Variants in PLRG1 observed in about 807,000 individuals in gnomAD.
PLRG1 encodes pleiotropic regulator 1.
Under a neutral mutation model 74.9 loss-of-function variants are expected in PLRG1, and 28 were observed. That is an observed-to-expected ratio of 0.37 (90% CI 0.28 to 0.51). The LOEUF (loss-of-function observed/expected upper bound fraction) is 0.51. Ranked by LOEUF, PLRG1 falls within the 20% of genes least tolerant of loss-of-function variation. The pLI is 0.91. For synonymous variants in PLRG1, 197 were observed against 212.4 expected, an observed-to-expected ratio of 0.93 and a Z score of 0.63; for missense variants, 445 against 631.9, an observed-to-expected ratio of 0.70 and a Z score of 3.17.
Position 154,544,559 on chromosome 4 carries a change from G to A in PLRG1, c.493-13C>T. 1 of 1,436,790 alleles carries A rather than the reference G, an allele frequency of 7.0e-7. No homozygotes were observed. The highest frequency in any genetic ancestry group is 9.8e-7 in the Non-Finnish European group (1 of 1,019,728). 89.0% of individuals were successfully genotyped at this position (1,436,790 alleles called of 1,614,324 possible). ...TCTCCATGACAATCTAGACATAGAA[G>A]AGACATTATTATTATTAAAGACATC... On this transcript the variant is annotated splice_polypyrimidine_tract_variant and intron_variant, in intron 6 of 14. Transcript: ENST00000499023.
rs372173780 is a variant in PLRG1 at position 154,550,352 on chromosome 4, T to G, written c.-44A>C. 1.2e-6 allele frequency: 2 copies of G among 1,601,858 alleles called. No homozygotes were observed. The highest frequency in any genetic ancestry group is 1.7e-6 in the Non-Finnish European group (2 of 1,169,024). ...ACCTCCGGCAGGGAAGAAACTCTAA[T>G]CACTAACGCAGTACCCGCCGCCACA... On this transcript the variant is annotated 5_prime_UTR_variant, in exon 1 of 15. Coordinates refer to ENST00000499023, the MANE Select transcript of PLRG1 (RefSeq NM_002669.4).
chr4:154,549,633 G>A (rs1366966303), intron 1 of PLRG1: 2 of 455,710 alleles, frequency 4.4e-6, no homozygotes. Context: ...TCAGTAAAGG[G>A]TTTTAAACAA....
At chr4:154,546,749 A>C in intron 4 of PLRG1, 1 of 503,144 alleles carries the variant, frequency 2.0e-6, no homozygotes, top group Non-Finnish European at 3.6e-6. Flanking sequence ...TGCCTAAACC[A>C]CCAGATAATA....
chr4:154,548,772 C>A lies in PLRG1; in HGVS notation c.116+57G>T, dbSNP rs980714492. The A allele has an allele frequency of 1.2e-4, 105 of 875,850 alleles. No homozygotes were observed. Among genetic ancestry groups the A allele is most frequent in the Non-Finnish European group, 1.8e-4 (93 of 522,834 alleles). The allele number at this position is 875,850 out of a possible 1,614,324, so 54.3% of individuals were successfully genotyped here. ...AAGGACTCCCTCTCCCTGCTCTCTT[C>A]CCCTAGTATTAGAATGTTAAGTATT... On this transcript the variant is annotated intron_variant, in intron 2 of 14. Transcript: ENST00000499023.
rs1231535688 is a variant in PLRG1 at position 154,537,486 on chromosome 4, G to C, written c.1292-7C>G. On this transcript the variant is annotated splice_polypyrimidine_tract_variant and splice_region_variant and intron_variant, in intron 13 of 14. Coordinates refer to ENST00000499023, the MANE Select transcript of PLRG1 (RefSeq NM_002669.4). ...TGCATGGTGCCATTGTCAGCTTAAA[G>C]GGAAAAATCTAGTTACACCTGGTAT... is the stretch of plus-strand genomic sequence containing the variant. 1 of 1,609,770 alleles carries C rather than the reference G, an allele frequency of 6.2e-7. No homozygotes were observed. The highest frequency in any genetic ancestry group is 1.3e-5 in the African/African-American group (1 of 74,900).
At position 154,535,293 on chromosome 4, in the gene PLRG1, AT is replaced by A. The variant is rs1729425795; in HGVS notation, c.*1391del. The A allele has an allele frequency of 1.3e-5, 2 of 151,936 alleles. No homozygotes were observed. The highest frequency in any genetic ancestry group is 4.2e-4 in the South Asian group (2 of 4,806). 9.4% of individuals were successfully genotyped at this position (151,936 alleles called of 1,614,324 possible). A position where few individuals can be genotyped will look rare whatever the true frequency, so the allele number is the denominator to read the frequency against. ...AACAAATTGCATAAAGGTACCATCT[AT>A]TAAACCAGTCCCTTACTGACAGGGC... On this transcript the variant is annotated 3_prime_UTR_variant, in exon 15 of 15. Transcript: ENST00000499023.
chr4:154,538,226 A>C (rs1729490363), intron 12 of PLRG1, 118 bp from the exon 13 acceptor site: 2 of 467,812 alleles, frequency 4.3e-6, no homozygotes, highest in South Asian at 5.7e-5. Context: ...TTATATATTC[A>C]GCAAAATAGT....
At chr4:154,547,626 C>T (rs1729682161) in intron 3 of PLRG1, 85 bp downstream of exon 3, 1 of 1,269,192 alleles carries the variant, frequency 7.9e-7, no homozygotes, top group Non-Finnish European at 1.1e-6. Context: ...TAAGTCCTGC[C>T]AGGAGGGGCA....
intron 7 of PLRG1, 89 bp from the exon 8 acceptor site, chr4:154,542,368 C>T: frequency 1.4e-6 from 1 of 735,110 alleles, no homozygotes; most frequent in Non-Finnish European, 2.5e-6. Context: ...ATTGCCCTCC[C>T]ATCTTCAAAT....
rs1358828484 is a variant in PLRG1 at position 154,539,958 on chromosome 4, A to C, written c.1035T>G (p.Ile345Met). 6.8e-7 allele frequency: 1 copy of C among 1,470,930 alleles called. No homozygotes were observed. Among genetic ancestry groups the C allele is most frequent in the Non-Finnish European group, 9.5e-7 (1 of 1,049,070 alleles). 91.1% of individuals were successfully genotyped at this position (1,470,930 alleles called of 1,614,324 possible). A position where few individuals can be genotyped will look rare whatever the true frequency, so the allele number is the denominator to read the frequency against. The change falls in exon 11 of 15, where the codon ATT (isoleucine) becomes ATG (methionine). Residue 345 changes from isoleucine to methionine, a missense_variant. By Grantham distance (10) the Ile-to-Met change is conservative (BLOSUM62 1). Coordinates refer to ENST00000499023, the MANE Select transcript of PLRG1 (RefSeq NM_002669.4). ...TVRCQAAEPQ[I>M]ITGSHDTTIR... ...GAAAAGTATCGATCATACCTGTAAT[A>C]ATTTGTGGTTCTGCAGCCTGACATC...
intron 4 of PLRG1, chr4:154,546,684 G>A (rs1729661909): frequency 2.7e-6 from 1 of 367,902 alleles, no homozygotes; most frequent in Non-Finnish European, 5.0e-6. Context: ...ATGTTTCTCA[G>A]ATACTGCTTC....
chr4:154,547,160 G>C, intron 3 of PLRG1, 96 bp from the exon 4 acceptor site: 1 of 899,558 alleles, frequency 1.1e-6, no homozygotes, highest in Non-Finnish European at 1.8e-6. Context: ...GTTTTCAACT[G>C]GATCTATCAA....
chr4:154,548,865 G>C lies in PLRG1; in HGVS notation c.80C>G (p.Ala27Gly), dbSNP rs1244559061. 1 of 1,608,778 alleles carries C rather than the reference G, an allele frequency of 6.2e-7. No homozygotes were observed. Among genetic ancestry groups the C allele is most frequent in the South Asian group, 1.1e-5 (1 of 90,958 alleles). The change falls in exon 2 of 15, where the codon GCT (alanine) becomes GGT (glycine). Residue 27 changes from alanine (A) to glycine (G), a missense_variant. Physicochemically the swap from Ala to Gly is moderately conservative, Grantham distance 60. Coordinates refer to ENST00000499023, the MANE Select transcript of PLRG1 (RefSeq NM_002669.4). ...SLKRTHDMFV[A>G]DNGKPVPLDE... ...TAAAGGCACAGGTTTTCCATTATCA[G>C]CTACAAACATGTCATGGGTCCTCTT...
intron 12 of PLRG1, among the ~76,000 whole-genome samples, 156 bp from the exon 13 acceptor site, chr4:154,538,264 AT>A (rs1376992545): frequency 1.3e-5 from 2 of 152,142 alleles, no homozygotes; most frequent in Non-Finnish European, 2.9e-5. Context: ...ATATTAAGAC[AT>A]TTGTTCAAGG....
intron 14 of PLRG1, 50 bp downstream of exon 14, chr4:154,537,236 C>T (rs1204494200): frequency 8.3e-7 from 1 of 1,198,040 alleles, no homozygotes; most frequent in Admixed American, 2.0e-5. Flanking sequence ...GAATATGCTG[C>T]CAAATTGGTA....
chr4:154,539,137 T>C lies in PLRG1; in HGVS notation c.1119A>G (p.Lys373=). The change falls in exon 12 of 15, where the codon AAA becomes AAG. Residue 373 remains lysine, a synonymous_variant. Coordinates refer to ENST00000499023, the MANE Select transcript of PLRG1 (RefSeq NM_002669.4). ...GATGTAAAACCACAGCCCTAACTGA[T>C]TTTTTGTGATTTGTTAATGTCACTC... ...KTRVTLTNHK[K]SVRAVVLHPR... The C allele has an allele frequency of 1.2e-6, 2 of 1,609,252 alleles. No individual in the cohort carries two copies. The highest frequency in any genetic ancestry group is 1.7e-6 in the Non-Finnish European group (2 of 1,175,688).
intron 14 of PLRG1, 26 bp from the exon 15 acceptor site, chr4:154,536,770 T>C: frequency 7.8e-7 from 1 of 1,278,808 alleles, no homozygotes; most frequent in Non-Finnish European, 1.1e-6. Flanking sequence ...TGAGTTAAAA[T>C]AAAGTATTAT....
intron 3 of PLRG1, 180 bp downstream of exon 3, chr4:154,547,531 G>GA (rs1476275044): frequency 1.6e-6 from 1 of 610,888 alleles, no homozygotes; most frequent in Non-Finnish European, 2.8e-6. Context: ...TTTCCTATAA[G>GA]AAAAAAGTCA....
chr4:154,546,424 A>G, intron 4 of PLRG1: 4 of 547,650 alleles, frequency 7.3e-6, no homozygotes, highest in South Asian at 6.6e-5. Flanking sequence ...TGATTTGATC[A>G]CAGCCCACAT....
Sources: gnomAD v4.1 joint callset for allele counts (sites outside exome capture counted in the v4.1 genomes callset) on GRCh38, gnomAD v4.1.1 for gene constraint, MANE v1.5 for transcripts, NCBI Gene and HGNC (gene_info 2026-07-23, HGNC 2026-07-21) for gene names.